The following CFAP90 variants were observed in gnomAD, a reference collection of about 807,000 sequenced individuals.
CFAP90 encodes cilia- and flagella-associated protein 90.
the CFAP90 span, among the ~76,000 whole-genome samples, chr5:7,850,515 C>A: frequency 7.3e-5 from 11 of 149,810 alleles, 1 homozygote; most frequent in East Asian, 1.6e-3. Context: ...CAGGCCCCCT[C>A]CCCTAAGGTG....
chr5:7,843,201 C>G, the CFAP90 span, among the ~76,000 whole-genome samples: 1 of 152,184 alleles, frequency 6.6e-6, no homozygotes. Flanking sequence ...TCTAATAAAT[C>G]CAGAGCATCT....
At chr5:7,849,862 G>A in the CFAP90 span, among the ~76,000 whole-genome samples, 5 of 152,012 alleles carry the variant, frequency 3.3e-5, no homozygotes, top group Non-Finnish European at 7.4e-5. Context: ...GCGTAGTCCC[G>A]GCAGCAAGGC....
the CFAP90 span, among the ~76,000 whole-genome samples, chr5:7,841,301 T>C: frequency 1.3e-5 from 2 of 152,056 alleles, no homozygotes; most frequent in African/African-American, 4.8e-5. Flanking sequence ...CCAGTCAGAA[T>C]GGATATTGAA....
At chr5:7,834,396 CAA>C in the CFAP90 span, among the ~76,000 whole-genome samples, 1 of 152,046 alleles carries the variant, frequency 6.6e-6, no homozygotes, top group Non-Finnish European at 1.5e-5. Context: ...AGCGTTACTA[CAA>C]AAGAGTCATA....
chr5:7,846,527 C>G, the CFAP90 span, among the ~76,000 whole-genome samples: 2 of 152,106 alleles, frequency 1.3e-5, no homozygotes, highest in African/African-American at 4.8e-5. Context: ...TCTGGAGTCT[C>G]TTTAACAAGG....
the CFAP90 span, among the ~76,000 whole-genome samples, chr5:7,841,249 A>G: frequency 5.2e-4 from 79 of 152,350 alleles, no homozygotes; most frequent in African/African-American, 1.9e-3. Flanking sequence ...ACTGATCATT[A>G]GAGAAACGCA....
the CFAP90 span, among the ~76,000 whole-genome samples, chr5:7,835,055 G>C: frequency 6.6e-6 from 1 of 152,092 alleles, no homozygotes; most frequent in Non-Finnish European, 1.5e-5. Flanking sequence ...CAAACGTTTT[G>C]GTGTTCCAGT....
At chr5:7,838,820 A>G in the CFAP90 span, among the ~76,000 whole-genome samples, 1 of 152,084 alleles carries the variant, frequency 6.6e-6, no homozygotes, top group Non-Finnish European at 1.5e-5. Context: ...CATGGCCAAG[A>G]AGCACTCTCT....
the CFAP90 span, among the ~76,000 whole-genome samples, chr5:7,841,235 C>T: frequency 6.6e-6 from 1 of 152,162 alleles, no homozygotes; most frequent in South Asian, 2.1e-4. Flanking sequence ...AAAAGCTCAA[C>T]ATCACTGATC....
chr5:7,835,815 G>A, the CFAP90 span, among the ~76,000 whole-genome samples: 2 of 152,190 alleles, frequency 1.3e-5, no homozygotes, highest in Non-Finnish European at 2.9e-5. Flanking sequence ...TCCATTGCTA[G>A]AGCTCAAACT....
At chr5:7,850,818 GCCCAGC>G in the CFAP90 span, 7 of 975,450 alleles carry the variant, frequency 7.2e-6, no homozygotes, top group East Asian at 2.1e-4. Flanking sequence ...CCGCCCAGCC[GCCCAGC>G]CGCCCAGCCG....
the CFAP90 span, among the ~76,000 whole-genome samples, chr5:7,837,281 T>C: frequency 2.0e-5 from 3 of 152,134 alleles, no homozygotes; most frequent in African/African-American, 7.2e-5. Context: ...AGAATGCATG[T>C]GTTAGCTGGT....
At chr5:7,839,448 A>G in the CFAP90 span, among the ~76,000 whole-genome samples, 1 of 152,226 alleles carries the variant, frequency 6.6e-6, no homozygotes, top group East Asian at 1.9e-4. Flanking sequence ...GGGTGCTTGG[A>G]TTATCCTGGG....
the CFAP90 span, among the ~76,000 whole-genome samples, chr5:7,839,607 A>G: frequency 6.6e-6 from 1 of 152,202 alleles, no homozygotes; most frequent in Non-Finnish European, 1.5e-5. Context: ...GAAAATGCCT[A>G]TTTCTTCTCA....
chr5:7,833,306 T>C, the CFAP90 span, among the ~76,000 whole-genome samples: 1,963 of 152,262 alleles, frequency 0.013, 35 homozygotes, highest in East Asian at 0.064. Context: ...CACACATATG[T>C]ACACACATGT....
the CFAP90 span, among the ~76,000 whole-genome samples, chr5:7,841,666 TCCTTTTCAGGGACA>T: frequency 6.6e-6 from 1 of 152,132 alleles, no homozygotes; most frequent in African/African-American, 2.4e-5. Flanking sequence ...TGAGATCACA[TCCTTTTCAGGGACA>T]TGGATGGAGC....
At chr5:7,835,454 T>C in the CFAP90 span, 19 of 1,605,074 alleles carry the variant, frequency 1.2e-5, no homozygotes, top group Non-Finnish European at 1.6e-5. Flanking sequence ...GATCATAATC[T>C]AGGCGCCTCT....
the CFAP90 span, among the ~76,000 whole-genome samples, chr5:7,840,448 A>G: frequency 2.0e-5 from 3 of 152,242 alleles, no homozygotes; most frequent in African/African-American, 7.2e-5. Context: ...GAGACCACAG[A>G]CTGAGAAGAG....
At chr5:7,840,557 G>T in the CFAP90 span, among the ~76,000 whole-genome samples, 3 of 152,160 alleles carry the variant, frequency 2.0e-5, no homozygotes, top group Non-Finnish European at 4.4e-5. Flanking sequence ...ATGGGCAATT[G>T]CTTGGGCTGA....
Sources: gnomAD v4.1 joint callset for allele counts (sites outside exome capture counted in the v4.1 genomes callset) on GRCh38, gnomAD v4.1.1 for gene constraint, MANE v1.5 for transcripts, NCBI Gene and HGNC (gene_info 2026-07-23, HGNC 2026-07-21) for gene names.